The following PLD6 variants were observed in gnomAD, a reference collection of about 807,000 sequenced individuals.
PLD6 encodes the protein phospholipase D family member 6.
Under a neutral mutation model 9.7 loss-of-function variants are expected in PLD6, and 10 were observed. The observed-to-expected ratio is 1.03, with a 90% CI of 0.64 to 1.75. The LOEUF (loss-of-function observed/expected upper bound fraction) is 1.75, where lower values mean the gene tolerates loss of function less well. Among genes scored for constraint, PLD6 ranks in the 40% most tolerant of loss-of-function variants. PLD6 has a pLI of 0.00. For missense variants in PLD6, 334 were observed against 347.6 expected, an observed-to-expected ratio of 0.96 and a Z score of 0.31; for synonymous variants, 152 against 159.2, an observed-to-expected ratio of 0.96 and a Z score of 0.34.
rs373555063 is a variant in PLD6 at position 17,203,031 on chromosome 17, C to G, written c.495G>C (p.Arg165Ser). Residue 165 changes from arginine to serine, a missense_variant, in exon 2 of 2, where the codon AGG becomes AGC. By Grantham distance (110) the Arg-to-Ser change is moderately radical. Coordinates refer to ENST00000321560, the MANE Select transcript of PLD6 (RefSeq NM_178836.4). ...AGTTGAGCGAGCCAGTGATGAGCAC[C>G]CTCTTGTCCACGATGGCAAACTTGT... ...MHHKFAIVDK[R>S]VLITGSLNWT... The G allele has an allele frequency of 8.7e-5, 141 of 1,614,170 alleles. No individual in the cohort carries two copies. The highest frequency in any genetic ancestry group is 1.1e-4 in the Non-Finnish European group (133 of 1,180,036).
chr17:17,205,543 T>C (rs1015357724), intron 1 of PLD6, among the ~76,000 whole-genome samples: 1 of 152,150 alleles, frequency 6.6e-6, no homozygotes, highest in Admixed American at 6.5e-5. Context: ...GAGGAGTTGC[T>C]AGGGGAATCT....
chr17:17,205,819 G>C, intron 1 of PLD6, 41 bp downstream of exon 1: 1 of 1,542,926 alleles, frequency 6.5e-7, no homozygotes, highest in Non-Finnish European at 8.7e-7. Flanking sequence ...ACCCCGCGTG[G>C]GCCAAGCCGG....
In PLD6 at chr17:17,202,915, C is replaced by T. The variant is rs375940521; in HGVS notation, c.611G>A (p.Arg204His). ...TGTAGGGTTAAACTGTTCCCAGATG[C>T]GCTCAAATTCTTCCAGAAAAAGCCG... The part of the protein sequence containing the change: ...YVRLFLEEFE[R>H]IWEQFNPTKY... The change falls in exon 2 of 2, where the codon CGC becomes CAC. Residue 204 changes from arginine (R) to histidine (H), a missense_variant. Transcript: ENST00000321560. 22 of 1,614,056 alleles carry T rather than the reference C, an allele frequency of 1.4e-5. 1 individual carries two copies. Among genetic ancestry groups the T allele is most frequent in the East Asian group, 8.9e-5 (4 of 44,884 alleles).
chr17:17,204,823 C>G (rs932830330), intron 1 of PLD6, among the ~76,000 whole-genome samples: 2 of 152,214 alleles, frequency 1.3e-5, no homozygotes, highest in African/African-American at 4.8e-5. Context: ...CCACTCTGCT[C>G]CCACATGGCG....
At chr17:17,205,807 G>C in intron 1 of PLD6, 53 bp downstream of exon 1, 2 of 1,534,750 alleles carry the variant, frequency 1.3e-6, no homozygotes, top group South Asian at 2.4e-5. Context: ...TTTGCGCCTA[G>C]GACCCCGCGT....
At position 17,206,084 on chromosome 17, in the gene PLD6, C is replaced by A; in HGVS notation, c.203G>T (p.Gly68Val). ...GCCGTGGGGCAGGCCGCACGGGCAG[C>A]CCTCGGGGAGCTCGGCCAGCTCCGC... ...PGAELAELPE[G>V]CPCGLPHGES... is the part of the protein sequence containing the mutation. Residue 68 changes from glycine to valine, a missense_variant, in exon 1 of 2, where the codon GGC becomes GTC. Physicochemically the swap from Gly to Val is moderately radical, Grantham distance 109 (BLOSUM62 -3). Coordinates refer to ENST00000321560, the MANE Select transcript of PLD6 (RefSeq NM_178836.4). The A allele has an allele frequency of 6.7e-7, 1 of 1,491,348 alleles. No homozygotes were observed. The highest frequency in any genetic ancestry group is 8.9e-7 in the Non-Finnish European group (1 of 1,129,456). 92.4% of individuals were successfully genotyped at this position (1,491,348 alleles called of 1,614,324 possible). A position where few individuals can be genotyped will look rare whatever the true frequency, so the allele number is the denominator to read the frequency against.
At position 17,203,006 on chromosome 17, in the gene PLD6, A is replaced by C; in HGVS notation, c.520T>G (p.Trp174Gly). ...TTGTTCTGGATGGCTTGCGTGGTCC[A>C]GTTGAGCGAGCCAGTGATGAGCACC... Reference protein sequence around the residue: ...KRVLITGSLNWTTQAIQNNRE... With the variant: ...KRVLITGSLNGTTQAIQNNRE... The change falls in exon 2 of 2, where the codon TGG becomes GGG. Residue 174 changes from tryptophan to glycine, a missense_variant. By Grantham distance (184) the Trp-to-Gly change is radical. Transcript: ENST00000321560. 6.2e-7 allele frequency: 1 copy of C among 1,614,206 alleles called. No individual in the cohort carries two copies. The highest frequency in any genetic ancestry group is 8.5e-7 in the Non-Finnish European group (1 of 1,180,044).
At chr17:17,205,079 G>C (rs1597562918) in intron 1 of PLD6, among the ~76,000 whole-genome samples, 1 of 152,196 alleles carries the variant, frequency 6.6e-6, no homozygotes, top group East Asian at 1.9e-4. Context: ...GATGGAGACA[G>C]AGACAGGCCC....
Position 17,206,110 on chromosome 17 carries a change from G to T in PLD6, c.177C>A (p.Gly59=), listed in dbSNP as rs962359985. The change falls in exon 1 of 2, where the codon GGC becomes GGA. Residue 59 remains glycine (G), a synonymous_variant. Transcript: ENST00000321560. Reference sequence around the variant, plus strand: ...CCTCGGGGAGCTCGGCCAGCTCCGCGCCCGGAGCCCGCAGCAGGGCCTCGG... The same window carrying T: ...CCTCGGGGAGCTCGGCCAGCTCCGCTCCCGGAGCCCGCAGCAGGGCCTCGG... The part of the protein sequence containing the change: ...TCTEALLRAP[G]AELAELPEGC... 4.1e-6 allele frequency: 6 copies of T among 1,479,612 alleles called. No homozygotes were observed. Among genetic ancestry groups the T allele is most frequent in the Non-Finnish European group, 4.4e-6 (5 of 1,124,928 alleles). 91.7% of individuals were successfully genotyped at this position (1,479,612 alleles called of 1,614,324 possible).
rs752226542 is a variant in PLD6 at position 17,206,280 on chromosome 17, G to A, written c.7C>T (p.Arg3Trp). The A allele has an allele frequency of 3.9e-6, 6 of 1,532,876 alleles. No individual in the cohort carries two copies. In the African/African-American group the frequency reaches 4.3e-5, roughly 11 times the overall value. The allele number at this position is 1,532,876 out of a possible 1,614,324, so 95.0% of individuals were successfully genotyped here. The change falls in exon 1 of 2, where the codon CGG becomes TGG. Residue 3 changes from arginine to tryptophan, a missense_variant. Arg to Trp is a moderately radical substitution (Grantham distance 101). Transcript: ENST00000321560. The stretch of plus-strand genomic sequence containing the variant: ...GCGGCCGCCACCTGCCAACTCAACC[G>A]TCCCATGCCGCCGCTAATCCGGGAC... MG[R>W]LSWQVAAAAA...
rs1241669525 is a variant in PLD6 at position 17,201,327 on chromosome 17, ACCTCAGGATGGGC to A, written c.*1427_*1439del. 1 of 152,262 alleles carries A rather than the reference ACCTCAGGATGGGC, an allele frequency of 6.6e-6. No homozygotes were observed. The highest frequency in any genetic ancestry group is 2.4e-5 in the African/African-American group (1 of 41,466). 9.4% of individuals were successfully genotyped at this position (152,262 alleles called of 1,614,324 possible). Reference sequence around the variant, plus strand: ...GTGAGACTAAGCACATGGCTAGCAGACCTCAGGATGGGCCCTGGGGCTCATCATACAGAAATAT... The same window carrying A: ...GTGAGACTAAGCACATGGCTAGCAGACCTGGGGCTCATCATACAGAAATAT... On this transcript the variant is annotated 3_prime_UTR_variant, in exon 2 of 2. Coordinates refer to ENST00000321560, the MANE Select transcript of PLD6 (RefSeq NM_178836.4).
chr17:17,205,529 GCC>G (rs1291357382), intron 1 of PLD6, among the ~76,000 whole-genome samples: 1 of 152,198 alleles, frequency 6.6e-6, no homozygotes, highest in Non-Finnish European at 1.5e-5. Context: ...CGCCGGCGGC[GCC>G]CGAGGAGTTG....
Position 17,202,902 on chromosome 17 carries a change from C to G in PLD6, c.624G>C (p.Gln208His). The G allele has an allele frequency of 6.2e-7, 1 of 1,614,214 alleles. No individual in the cohort carries two copies. The highest frequency in any genetic ancestry group is 8.5e-7 in the Non-Finnish European group (1 of 1,180,050). The change falls in exon 2 of 2, where the codon CAG becomes CAC. Residue 208 changes from glutamine (Q) to histidine (H), a missense_variant. By Grantham distance (24) the Gln-to-His change is conservative (BLOSUM62 0). Transcript: ENST00000321560. ...FLEEFERIWEQFNPTKYTFFP... is the reference protein window; with the variant it reads ...FLEEFERIWEHFNPTKYTFFP... Reference sequence around the variant, plus strand: ...AAAAGGTATACTTTGTAGGGTTAAACTGTTCCCAGATGCGCTCAAATTCTT... The same window carrying G: ...AAAAGGTATACTTTGTAGGGTTAAAGTGTTCCCAGATGCGCTCAAATTCTT...
chr17:17,206,019 C>T lies in PLD6; in HGVS notation c.268G>A (p.Ala90Thr). Residue 90 changes from alanine (A) to threonine (T), a missense_variant, in exon 1 of 2, where the codon GCC (alanine) becomes ACC (threonine). Coordinates refer to ENST00000321560, the MANE Select transcript of PLD6 (RefSeq NM_178836.4). Reference protein sequence around the residue: ...LSRLLRALLAARASLDLCLFA... With the variant: ...LSRLLRALLATRASLDLCLFA... Reference sequence around the variant, plus strand: ...AGGCAGAGATCCAGGCTGGCGCGGGCGGCCAGCAGGGCACGCAGCAGGCGG... The same window carrying T: ...AGGCAGAGATCCAGGCTGGCGCGGGTGGCCAGCAGGGCACGCAGCAGGCGG... The T allele has an allele frequency of 6.5e-7, 1 of 1,542,966 alleles. No homozygotes were observed. Among genetic ancestry groups the T allele is most frequent in the Non-Finnish European group, 8.7e-7 (1 of 1,147,904 alleles).
In PLD6 at chr17:17,202,977, C is replaced by T. The variant is rs375857325; in HGVS notation, c.549G>A (p.Arg183=). The change falls in exon 2 of 2, where the codon AGG becomes AGA. Residue 183 remains arginine, a synonymous_variant. Transcript: ENST00000321560. ...NWTTQAIQNN[R]ENVLITEDDE... is the part of the protein sequence containing the mutation. ...CGTCCTCCGTGATGAGAACATTCTC[C>T]CTGTTGTTCTGGATGGCTTGCGTGG... is the stretch of plus-strand genomic sequence containing the variant. 4.3e-6 allele frequency: 7 copies of T among 1,614,098 alleles called. No homozygotes were observed. In the African/African-American group the frequency reaches 8.0e-5, roughly 18 times the overall value.
intron 1 of PLD6, 82 bp downstream of exon 1, chr17:17,205,778 C>T: frequency 6.8e-7 from 1 of 1,460,130 alleles, no homozygotes; most frequent in Non-Finnish European, 9.2e-7. Context: ...CCCCAGACCC[C>T]CTCCCCTAAG....
At position 17,206,113 on chromosome 17, in the gene PLD6, C is replaced by T. The variant is rs1340470480; in HGVS notation, c.174G>A (p.Pro58=). ...CGGGGAGCTCGGCCAGCTCCGCGCC[C>T]GGAGCCCGCAGCAGGGCCTCGGTAC... ...VTCTEALLRA[P]GAELAELPEG... The change falls in exon 1 of 2, where the codon CCG becomes CCA. Residue 58 remains proline, a synonymous_variant. Coordinates refer to ENST00000321560, the MANE Select transcript of PLD6 (RefSeq NM_178836.4). 1.4e-6 allele frequency: 2 copies of T among 1,480,444 alleles called. No homozygotes were observed. Among genetic ancestry groups the T allele is most frequent in the Non-Finnish European group, 1.8e-6 (2 of 1,125,204 alleles). 91.7% of individuals were successfully genotyped at this position (1,480,444 alleles called of 1,614,324 possible). A position where few individuals can be genotyped will look rare whatever the true frequency, so the allele number is the denominator to read the frequency against.
Position 17,206,274 on chromosome 17 carries a change from T to C in PLD6, c.13A>G (p.Ser5Gly), listed in dbSNP as rs1163030994. The C allele has an allele frequency of 1.4e-5, 22 of 1,540,884 alleles. No homozygotes were observed. The East Asian group carries it at 5.4e-4, about 38-fold the overall frequency. Residue 5 changes from serine (S) to glycine (G), a missense_variant, in exon 1 of 2, where the codon AGT becomes GGT. Physicochemically the swap from Ser to Gly is moderately conservative, Grantham distance 56. Coordinates refer to ENST00000321560, the MANE Select transcript of PLD6 (RefSeq NM_178836.4). The part of the protein sequence containing the change: MGRL[S>G]WQVAAAAAVG... The stretch of plus-strand genomic sequence containing the variant: ...GCCGCCGCGGCCGCCACCTGCCAAC[T>C]CAACCGTCCCATGCCGCCGCTAATC...
chr17:17,205,456 G>A (rs1390342219), intron 1 of PLD6, among the ~76,000 whole-genome samples: 1 of 152,182 alleles, frequency 6.6e-6, no homozygotes, highest in Non-Finnish European at 1.5e-5. Flanking sequence ...GTTACCAGAG[G>A]CCGTCCGGGG....
Sources: gnomAD v4.1 joint callset for allele counts (sites outside exome capture counted in the v4.1 genomes callset) on GRCh38, gnomAD v4.1.1 for gene constraint, MANE v1.5 for transcripts, NCBI Gene and HGNC (gene_info 2026-07-23, HGNC 2026-07-21) for gene names.